Variants in USP10 observed in about 807,000 individuals in gnomAD.
USP10 encodes ubiquitin specific peptidase 10, also known as ubiquitin carboxyl-terminal hydrolase 10.
Under a neutral mutation model 84.5 loss-of-function variants are expected in USP10, and 22 were observed. The ratio of observed to expected loss-of-function variants is 0.26; its 90% CI spans 0.19 to 0.37. USP10 has a LOEUF of 0.37. USP10 is among the 10% of genes least tolerant of loss of function. USP10 has a pLI of 1.00. For missense variants in USP10, 1,019 were observed against 998.9 expected (o/e 1.02, Z -0.27); for synonymous variants, 454 against 387.6 (o/e 1.17, Z -2.01).
Position 84,745,360 on chromosome 16 carries a change from G to T in USP10, c.879G>T (p.Ser293=). ...CTAATGGACAAATACTTGAATCCTC[G>T]GGTGAGGGCACAGCTACCAACGGGG... ...GVANGQILES[S]GEGTATNGVE... Residue 293 remains serine, a synonymous_variant, in exon 4 of 14, where the codon TCG becomes TCT. Coordinates refer to ENST00000219473, the MANE Select transcript of USP10 (RefSeq NM_005153.3). 6.2e-7 allele frequency: 1 copy of T among 1,613,186 alleles called. No individual in the cohort carries two copies. Among genetic ancestry groups the T allele is most frequent in the Non-Finnish European group, 8.5e-7 (1 of 1,179,714 alleles).
At position 84,750,519 on chromosome 16, in the gene USP10, G is replaced by C. The variant is rs1345199322; in HGVS notation, c.1192+4846G>C. On this transcript the variant is annotated intron_variant, in intron 4 of 13. Coordinates refer to ENST00000219473, the MANE Select transcript of USP10 (RefSeq NM_005153.3). ...ACACGTGGGGAGTGCCTTTGCTGCT[G>C]CTTCCCTCATTAGCACAGATACTTT... is the stretch of plus-strand genomic sequence containing the variant. Among the ~76,000 whole-genome samples, 11 of 152,212 alleles carry C rather than the reference G, an allele frequency of 7.2e-5. 1 individual carries two copies. The East Asian group carries it at 1.9e-3, about 27-fold the overall frequency.
At chr16:84,725,128 G>A (rs898171342) in intron 1 of USP10, among the ~76,000 whole-genome samples, 1 of 152,186 alleles carries the variant, frequency 6.6e-6, no homozygotes, top group Non-Finnish European at 1.5e-5. Context: ...TAACACCGTA[G>A]TCCATTTTAG....
At chr16:84,760,147 A>T in intron 7 of USP10, 25 bp from the exon 8 acceptor site, 1 of 1,584,914 alleles carries the variant, frequency 6.3e-7, no homozygotes, top group Non-Finnish European at 8.6e-7. Flanking sequence ...TAGTTAGGAA[A>T]ACCTGTGTCC....
chr16:84,748,113 C>G (rs1381277875), intron 4 of USP10, among the ~76,000 whole-genome samples: 1 of 126,628 alleles, frequency 7.9e-6, no homozygotes, highest in Non-Finnish European at 1.6e-5. Flanking sequence ...GAGATGGCGC[C>G]AGTGCACTCC....
intron 1 of USP10, chr16:84,732,401 C>T (rs1018511579): frequency 3.1e-5 from 12 of 389,562 alleles, no homozygotes; most frequent in African/African-American, 6.5e-5. Context: ...ATTGCTTCTC[C>T]GTTGTGGAAA....
chr16:84,761,567 A>G (rs1390788917), intron 8 of USP10, among the ~76,000 whole-genome samples: 1 of 152,244 alleles, frequency 6.6e-6, no homozygotes, highest in East Asian at 1.9e-4. Flanking sequence ...CTCCAGCACC[A>G]GACTGTGACC....
At chr16:84,735,526 CTTTT>C (rs1158807259) in intron 2 of USP10, among the ~76,000 whole-genome samples, 1 of 152,008 alleles carries the variant, frequency 6.6e-6, no homozygotes. Context: ...TTTTCTCTTT[CTTTT>C]GTTTTTTAAA....
chr16:84,778,139 A>T (rs1405443289), intron 13 of USP10, among the ~76,000 whole-genome samples: 1 of 107,958 alleles, frequency 9.3e-6, no homozygotes, highest in Admixed American at 8.3e-5. Context: ...TAAAACATAG[A>T]AAAATGGGTA....
At chr16:84,702,677 G>A (rs1905037041) in intron 1 of USP10, among the ~76,000 whole-genome samples, 1 of 152,054 alleles carries the variant, frequency 6.6e-6, no homozygotes. Context: ...AGAATAATGG[G>A]AGGTGGAAAA....
chr16:84,759,868 T>G (rs1484517213), intron 6 of USP10, 23 bp from the exon 7 acceptor site: 7 of 1,612,526 alleles, frequency 4.3e-6, no homozygotes, highest in African/African-American at 1.3e-5. Flanking sequence ...CTGCACTATT[T>G]AACATTTTTT....
intron 1 of USP10, 81 bp downstream of exon 1, chr16:84,700,192 C>G: frequency 4.5e-6 from 5 of 1,106,920 alleles, no homozygotes; most frequent in Non-Finnish European, 5.6e-6. Context: ...GCGTCCGCGC[C>G]CTGCCCGGAG....
chr16:84,771,536 G>A (rs963181069), intron 11 of USP10, among the ~76,000 whole-genome samples: 1 of 152,010 alleles, frequency 6.6e-6, no homozygotes, highest in Non-Finnish European at 1.5e-5. Context: ...AATCCTACTG[G>A]TATCAGTTTT....
At chr16:84,772,766 T>C (rs1914592665) in intron 12 of USP10, 81 bp downstream of exon 12, 6 of 1,550,278 alleles carry the variant, frequency 3.9e-6, no homozygotes. Flanking sequence ...CATTTCTTTA[T>C]GATGTCAAGA....
chr16:84,749,064 C>G (rs559430961), intron 4 of USP10, among the ~76,000 whole-genome samples: 25 of 152,108 alleles, frequency 1.6e-4, no homozygotes, highest in Non-Finnish European at 2.6e-4. Flanking sequence ...TAGTTGTTGA[C>G]AGTTTCAGGA....
chr16:84,777,711 A>G (rs887272528), intron 13 of USP10, among the ~76,000 whole-genome samples: 1 of 151,878 alleles, frequency 6.6e-6, no homozygotes, highest in African/African-American at 2.4e-5. Context: ...CCCAGAGAGG[A>G]CTGAGGCCTC....
At chr16:84,700,487 C>T (rs1260634589) in intron 1 of USP10, among the ~76,000 whole-genome samples, 1 of 152,036 alleles carries the variant, frequency 6.6e-6, no homozygotes, top group African/African-American at 2.4e-5. Flanking sequence ...CTCCGGGAGT[C>T]CCCTGGAGCG....
At chr16:84,715,614 A>G (rs1338966128) in intron 1 of USP10, among the ~76,000 whole-genome samples, 2 of 151,706 alleles carry the variant, frequency 1.3e-5, no homozygotes, top group Non-Finnish European at 2.9e-5. Flanking sequence ...TGCTTACCCC[A>G]TTTATGTGTT....
intron 10 of USP10, among the ~76,000 whole-genome samples, chr16:84,765,342 C>G (rs1052686531): frequency 6.6e-6 from 1 of 151,618 alleles, no homozygotes; most frequent in African/African-American, 2.4e-5. Context: ...ATGAGTAGCT[C>G]TTGTCCGATG....
intron 1 of USP10, among the ~76,000 whole-genome samples, chr16:84,720,576 AT>A (rs10699847): frequency 0.011 from 1,013 of 88,302 alleles, 11 homozygotes; most frequent in African/African-American, 0.036. Flanking sequence ...ATGATGCCCA[AT>A]TTTTTTTTTT....
Sources: gnomAD v4.1 joint callset for allele counts (sites outside exome capture counted in the v4.1 genomes callset) on GRCh38, gnomAD v4.1.1 for gene constraint, MANE v1.5 for transcripts, NCBI Gene and HGNC (gene_info 2026-07-23, HGNC 2026-07-21) for gene names.